The following CLASP1 variants were observed in gnomAD, a reference collection of about 807,000 sequenced individuals.
CLASP1 encodes cytoplasmic linker associated protein 1.
In CLASP1, 38 loss-of-function variants were observed where a neutral mutation model predicts 192.3. The ratio of observed to expected loss-of-function variants is 0.20; its 90% CI spans 0.15 to 0.26. CLASP1 has a LOEUF of 0.26. Among genes scored for constraint, CLASP1 ranks in the 10% least tolerant of loss-of-function variants. The probability of loss-of-function intolerance (pLI) is 1.00; values close to 1 mark genes in which losing one functional copy is unlikely to be tolerated. For missense variants in CLASP1, 1,433 were observed against 1,932.5 expected, an observed-to-expected ratio of 0.74 and a Z score of 4.85; for synonymous variants, 691 against 712.8, an observed-to-expected ratio of 0.97 and a Z score of 0.49.
At chr2:121,428,734 G>A (rs532330338) in intron 20 of CLASP1, among the ~76,000 whole-genome samples, 2 of 152,290 alleles carry the variant, frequency 1.3e-5, no homozygotes, top group Admixed American at 6.5e-5. Context: ...TAAACCTACT[G>A]AAGTAGACAG....
intron 2 of CLASP1, among the ~76,000 whole-genome samples, chr2:121,566,970 C>A (rs1319642956): frequency 6.6e-6 from 1 of 152,186 alleles, no homozygotes; most frequent in Non-Finnish European, 1.5e-5. Context: ...TGAGGCTGGG[C>A]ACCAATCTCT....
chr2:121,647,023 T>C (rs1481013813), intron 1 of CLASP1, among the ~76,000 whole-genome samples: 1 of 112,808 alleles, frequency 8.9e-6, no homozygotes, highest in Non-Finnish European at 1.7e-5. Flanking sequence ...CTGGGTAACA[T>C]AGCGAGACTC....
intron 2 of CLASP1, chr2:121,531,070 C>T (rs563037982): frequency 4.1e-5 from 28 of 690,496 alleles, no homozygotes; most frequent in South Asian, 1.3e-4. Context: ...TAAACTAGTA[C>T]TTTGTGGTTA....
At chr2:121,363,290 C>T (rs1257851034) in exon 37 of CLASP1, 10 of 1,613,714 alleles carry the variant, frequency 6.2e-6, no homozygotes, top group African/African-American at 1.3e-5. Context: ...CGCCAGTGCT[C>T]GAATTGAATG....
chr2:121,512,120 C>T (rs2094155148), intron 7 of CLASP1, among the ~76,000 whole-genome samples: 1 of 152,186 alleles, frequency 6.6e-6, no homozygotes, highest in African/African-American at 2.4e-5. Flanking sequence ...AATCAAGTGA[C>T]CTATGTCTCA....
chr2:121,611,499 A>G (rs370086824), intron 1 of CLASP1, among the ~76,000 whole-genome samples: 151 of 85,106 alleles, frequency 1.8e-3, no homozygotes, highest in African/African-American at 2.9e-3. Flanking sequence ...AGTTACAGGA[A>G]GAAGAGGAAC....
At chr2:121,478,808 ACACC>A (rs2092130528) in intron 8 of CLASP1, among the ~76,000 whole-genome samples, 3 of 58,102 alleles carry the variant, frequency 5.2e-5, no homozygotes, top group East Asian at 5.6e-4. Context: ...CACCACACAC[ACACC>A]CCACACACAA....
chr2:121,457,415 C>T (rs1351244971), intron 14 of CLASP1, among the ~76,000 whole-genome samples: 1 of 151,696 alleles, frequency 6.6e-6, no homozygotes, highest in Non-Finnish European at 1.5e-5. Flanking sequence ...TCCCCTTCTC[C>T]TTCTGCCACT....
chr2:121,469,872 C>T, exon 9 of CLASP1: 1 of 1,613,868 alleles, frequency 6.2e-7, no homozygotes, highest in Non-Finnish European at 8.5e-7. Flanking sequence ...CAACGTTTCT[C>T]CGAGAACTTG....
At chr2:121,408,881 G>A (rs984216349) in intron 24 of CLASP1, 25 of 692,444 alleles carry the variant, frequency 3.6e-5, no homozygotes. Flanking sequence ...AACAATGATG[G>A]TGAATCACTG....
chr2:121,505,078 A>G (rs2093900910), intron 7 of CLASP1: 1 of 152,206 alleles, frequency 6.6e-6, no homozygotes, highest in Non-Finnish European at 1.5e-5. Flanking sequence ...ACCGGTTGCC[A>G]GGGCATGCCC....
At chr2:121,492,678 A>T (rs970263722) in intron 8 of CLASP1, among the ~76,000 whole-genome samples, 3 of 151,802 alleles carry the variant, frequency 2.0e-5, no homozygotes, top group Non-Finnish European at 4.4e-5. Flanking sequence ...AAAAAATAAA[A>T]AAAAAAAAAA....
rs752923122 is a variant in CLASP1 at position 121,530,928 on chromosome 2, A to G, written c.196-603T>C. The G allele has an allele frequency of 1.4e-6, 1 of 699,860 alleles. No homozygotes were observed. The highest frequency in any genetic ancestry group is 1.5e-5 in the South Asian group (1 of 67,474). 43.4% of individuals were successfully genotyped at this position (699,860 alleles called of 1,614,324 possible). On this transcript the variant is annotated intron_variant, in intron 2 of 39. Transcript: ENST00000263710. ...GCTACTGTCCAATGAGCGCATAGTG[A>G]GGGCAGTACTGCTAACGCCTGAACA...
chr2:121,625,970 G>A (rs542356010), intron 1 of CLASP1, among the ~76,000 whole-genome samples: 22 of 151,762 alleles, frequency 1.4e-4, no homozygotes, highest in South Asian at 6.3e-4. Flanking sequence ...ATGGTGGCAC[G>A]CACCTGTAAT....
intron 2 of CLASP1, among the ~76,000 whole-genome samples, chr2:121,536,051 G>C (rs1469784449): frequency 6.6e-6 from 1 of 151,788 alleles, no homozygotes; most frequent in East Asian, 1.9e-4. Flanking sequence ...GTGTAAAATG[G>C]TAGAGTTGTT....
chr2:121,588,019 C>G (rs1429074624), intron 2 of CLASP1, among the ~76,000 whole-genome samples: 2 of 151,022 alleles, frequency 1.3e-5, no homozygotes, highest in Non-Finnish European at 3.0e-5. Flanking sequence ...ACTAAAAATA[C>G]AAAAATTAGC....
intron 1 of CLASP1, among the ~76,000 whole-genome samples, chr2:121,615,138 G>A (rs190307835): frequency 6.0e-4 from 92 of 152,164 alleles, no homozygotes; most frequent in Middle Eastern, 3.4e-3. Flanking sequence ...TCAGGAGTTC[G>A]AGACCAGCCT....
chr2:121,404,291 T>C (rs1265402152), intron 26 of CLASP1, 80 bp downstream of exon 27: 9 of 1,560,956 alleles, frequency 5.8e-6, no homozygotes, highest in Non-Finnish European at 7.8e-6. Context: ...GGGAATTCTC[T>C]CTCATTCTTG....
At chr2:121,406,184 G>A (rs563931351) in intron 25 of CLASP1, among the ~76,000 whole-genome samples, 1 of 152,154 alleles carries the variant, frequency 6.6e-6, no homozygotes, top group Non-Finnish European at 1.5e-5. Context: ...ATAAGGGTGT[G>A]TCTATGGTGC....
Sources: allele counts gnomAD v4.1 joint callset (sites outside exome capture counted in the v4.1 genomes callset), GRCh38; gene constraint gnomAD v4.1.1; transcripts MANE v1.5; gene names NCBI Gene and HGNC (gene_info 2026-07-23, HGNC 2026-07-21).